The following P3H2 variants were observed in gnomAD, a reference collection of about 807,000 sequenced individuals.
The protein encoded by P3H2 is leprecan-like 1.
P3H2 carries 80 observed loss-of-function variants against 87.0 expected under a neutral mutation model. That is an observed-to-expected ratio of 0.92 (90% confidence interval 0.77 to 1.11). The LOEUF is 1.11. Ranked by LOEUF, P3H2 falls within the 50% of genes least tolerant of loss-of-function variation. The pLI, the probability that P3H2 is intolerant of heterozygous loss-of-function variation, is 0.00. For synonymous variants in P3H2, 367 were observed against 359.3 expected, an observed-to-expected ratio of 1.02 and a Z score of -0.24; for missense variants, 1,001 against 923.9, an observed-to-expected ratio of 1.08 and a Z score of -1.08.
Position 190,120,638 on chromosome 3 carries a change from G to T in P3H2, c.94C>A (p.Arg32=). 6.5e-7 allele frequency: 1 copy of T among 1,530,046 alleles called. No individual in the cohort carries two copies. Among genetic ancestry groups the T allele is most frequent in the Admixed American group, 1.9e-5 (1 of 51,346 alleles). 94.8% of individuals were successfully genotyped at this position (1,530,046 alleles called of 1,614,324 possible). The change falls in exon 1 of 15, where the codon CGG becomes AGG. Residue 32 remains arginine (R), a synonymous_variant. Coordinates refer to ENST00000319332, the MANE Select transcript of P3H2 (RefSeq NM_018192.4). ...LWGGPPDSPR[R]ELELEPGPLQ... ...GGCCCGGGCTCCAGCTCCAGCTCCC[G>T]GCGTGGGCTGTCCGGGGGGCCGCCC...
intron 13 of P3H2, among the ~76,000 whole-genome samples, chr3:189,970,191 AATATAT>A (rs71175322): frequency 0.029 from 1,545 of 53,964 alleles, 120 homozygotes; most frequent in Non-Finnish European, 0.042. Flanking sequence ...TATATATGCA[AATATAT>A]ATATATATAT....
At chr3:189,959,327 C>T (rs930687094) in intron 14 of P3H2, among the ~76,000 whole-genome samples, 1 of 150,758 alleles carries the variant, frequency 6.6e-6, no homozygotes, top group African/African-American at 2.4e-5. Flanking sequence ...CATATGTATA[C>T]ATGTGCCATG....
At position 189,980,949 on chromosome 3, in the gene P3H2, C is replaced by A. The variant is rs377170752; in HGVS notation, c.1324+2097G>T. On this transcript the variant is annotated intron_variant, in intron 8 of 14. Transcript: ENST00000319332. Reference sequence around the variant, plus strand: ...AGACCTCTGGGAAAGGAGTTTGGGGCCTGCAAATTAAGCTCTATAAAAACT... The same window carrying A: ...AGACCTCTGGGAAAGGAGTTTGGGGACTGCAAATTAAGCTCTATAAAAACT... Among the ~76,000 whole-genome samples the A allele has an allele frequency of 7.9e-5, 12 of 152,256 alleles. No individual in the cohort carries two copies. In the East Asian group the frequency reaches 1.6e-3, roughly 20 times the overall value.
chr3:190,091,730 T>C (rs1727415132), intron 1 of P3H2, among the ~76,000 whole-genome samples: 1 of 152,250 alleles, frequency 6.6e-6, no homozygotes, highest in South Asian at 2.1e-4. Flanking sequence ...ATTCTGACAG[T>C]GTGAAAGCAA....
chr3:190,058,115 C>T (rs191279871), intron 1 of P3H2, among the ~76,000 whole-genome samples: 2 of 152,222 alleles, frequency 1.3e-5, no homozygotes, highest in Admixed American at 6.5e-5. Flanking sequence ...CCAATATCAC[C>T]TCAGTCATTC....
chr3:190,027,624 CT>C (rs539796963), intron 1 of P3H2, among the ~76,000 whole-genome samples: 4,069 of 136,632 alleles, frequency 0.03, 87 homozygotes, highest in African/African-American at 0.073. Flanking sequence ...CGGTTTTTAC[CT>C]TTTTTTTTTT....
chr3:190,100,247 G>A (rs866660738), intron 1 of P3H2, among the ~76,000 whole-genome samples: 2 of 34,218 alleles, frequency 5.8e-5, no homozygotes, highest in African/African-American at 1.3e-4. Flanking sequence ...CGCCCCCCCC[G>A]CCGCCCCCCC....
At chr3:190,074,169 T>C (rs529760884) in intron 1 of P3H2, among the ~76,000 whole-genome samples, 23 of 152,276 alleles carry the variant, frequency 1.5e-4, no homozygotes, top group Middle Eastern at 6.8e-3. Flanking sequence ...GATAACTTAA[T>C]CTTGAGATCC....
chr3:189,986,551 T>C lies in P3H2; in HGVS notation c.1188+237A>G, dbSNP rs146400067. On this transcript the variant is annotated intron_variant, in intron 6 of 14. Transcript: ENST00000319332. The stretch of plus-strand genomic sequence containing the variant: ...TTGCAGTGAGCCGAGATCACGCCAC[T>C]GCACTCCAGCCTGGGCGACAAGAGC... Among the ~76,000 whole-genome samples, 749 of 152,262 alleles carry C rather than the reference T, an allele frequency of 4.9e-3. 4 individuals are homozygous for C. The highest frequency in any genetic ancestry group is 7.2e-3 in the Non-Finnish European group (492 of 68,006).
chr3:189,984,427 G>T lies in P3H2; in HGVS notation c.1229+123C>A, dbSNP rs1165335397. On this transcript the variant is annotated intron_variant, in intron 7 of 14. Transcript: ENST00000319332. ...ACCTGGATGTAGAGCTCCTAATTCA[G>T]AGCTTAGAATTATTTTATTATATCT... 9 of 790,536 alleles carry T rather than the reference G, an allele frequency of 1.1e-5. No individual in the cohort carries two copies. The African/African-American group carries it at 1.4e-4, about 12-fold the overall frequency. The allele number at this position is 790,536 out of a possible 1,614,324, so 49.0% of individuals were successfully genotyped here.
chr3:190,002,884 A>G (rs1724260917), intron 1 of P3H2, among the ~76,000 whole-genome samples: 1 of 152,246 alleles, frequency 6.6e-6, no homozygotes, highest in East Asian at 1.9e-4. Flanking sequence ...TTTTTATACA[A>G]TATATTCCTT....
chr3:190,052,765 G>A (rs943247376), intron 1 of P3H2, among the ~76,000 whole-genome samples: 17 of 151,756 alleles, frequency 1.1e-4, no homozygotes, highest in African/African-American at 4.1e-4. Flanking sequence ...TTTAATTGAT[G>A]ATCAGTAAAC....
At chr3:190,109,427 A>T (rs915821188) in intron 1 of P3H2, among the ~76,000 whole-genome samples, 2 of 152,226 alleles carry the variant, frequency 1.3e-5, no homozygotes, top group Non-Finnish European at 2.9e-5. Flanking sequence ...CACAGAGCTA[A>T]CCCAAAGAAA....
intron 1 of P3H2, among the ~76,000 whole-genome samples, chr3:190,047,807 T>C (rs1461606752): frequency 6.6e-6 from 1 of 152,056 alleles, no homozygotes; most frequent in Non-Finnish European, 1.5e-5. Flanking sequence ...TGAAGAGGCA[T>C]TGGTTAATGG....
At chr3:189,987,869 T>G (rs552942002) in intron 4 of P3H2, 200 bp from the exon 5 acceptor site, 2 of 607,062 alleles carry the variant, frequency 3.3e-6, no homozygotes, top group South Asian at 3.9e-5. Context: ...GTTATTACCT[T>G]TGGTCTGCTT....
chr3:190,046,179 T>C (rs139720335), intron 1 of P3H2, among the ~76,000 whole-genome samples: 29 of 152,012 alleles, frequency 1.9e-4, no homozygotes, highest in African/African-American at 6.5e-4. Context: ...GCCCTAAGGA[T>C]TTCAGACTTG....
Position 189,984,573 on chromosome 3 carries a change from A to G in P3H2, c.1206T>C (p.Tyr402=), listed in dbSNP as rs772552676. 2.5e-6 allele frequency: 4 copies of G among 1,609,758 alleles called. No homozygotes were observed. Among genetic ancestry groups the G allele is most frequent in the Non-Finnish European group, 8.5e-7 (1 of 1,178,230 alleles). Residue 402 remains tyrosine, a synonymous_variant, in exon 7 of 15, where the codon TAT becomes TAC. Coordinates refer to ENST00000319332, the MANE Select transcript of P3H2 (RefSeq NM_018192.4). ...ACCGATTCTCATCCTGTCGTCCTCC[A>G]TATCTGATCCAATAATTCTGTTTTG... is the stretch of plus-strand genomic sequence containing the variant. ...SYTEPNYWIR[Y]GGRQDENRVP... is the part of the protein sequence containing the mutation.
intron 1 of P3H2, among the ~76,000 whole-genome samples, chr3:190,007,492 C>A (rs1433843352): frequency 3.9e-5 from 6 of 152,068 alleles, no homozygotes; most frequent in African/African-American, 1.2e-4. Context: ...AGAAGTCAAG[C>A]ATCTTGACAA....
chr3:190,089,293 C>A (rs7646107), intron 1 of P3H2, among the ~76,000 whole-genome samples: 5,063 of 152,252 alleles, frequency 0.033, 291 homozygotes, highest in African/African-American at 0.12. Flanking sequence ...GGGTGCAGCA[C>A]ACCAACATAG....
Sources: gnomAD v4.1 joint callset for allele counts (sites outside exome capture counted in the v4.1 genomes callset) on GRCh38, gnomAD v4.1.1 for gene constraint, MANE v1.5 for transcripts, NCBI Gene and HGNC (gene_info 2026-07-23, HGNC 2026-07-21) for gene names.